MRPL36: variants seen among roughly 807,000 people sequenced by gnomAD.
MRPL36 encodes the protein large ribosomal subunit protein bL36m.
A neutral mutation model predicts 2.8 loss-of-function variants in MRPL36; 1 was observed. That is an observed-to-expected ratio of 0.36 (90% CI 0.13 to 1.69). The LOEUF is 1.69. Among genes scored for constraint, MRPL36 ranks in the 40% most tolerant of loss-of-function variants. MRPL36 has a pLI of 0.35. For missense variants in MRPL36, 148 were observed against 132.7 expected (o/e 1.12, Z -0.57); for synonymous variants, 68 against 54.8 (o/e 1.24, Z -1.06).
rs560726356 is a variant in MRPL36 at position 1,798,617 on chromosome 5, A to C, written c.*7T>G. 1 of 1,596,604 alleles carries C rather than the reference A, an allele frequency of 6.3e-7. No individual in the cohort carries two copies. Among genetic ancestry groups the C allele is most frequent in the Non-Finnish European group, 8.6e-7 (1 of 1,165,762 alleles). ...CGAGTATGTGCGTGACTCTGGAGGG[A>C]AAGGGTCTACATCTGTCTCTGCTTG... On this transcript the variant is annotated 3_prime_UTR_variant, in exon 2 of 2. Transcript: ENST00000505059.
rs781036110 is a variant in MRPL36 at position 1,798,744 on chromosome 5, C to T, written c.192G>A (p.Leu64=). 1.2e-6 allele frequency: 2 copies of T among 1,613,864 alleles called. No individual in the cohort carries two copies. Among genetic ancestry groups the T allele is most frequent in the African/African-American group, 2.7e-5 (2 of 74,906 alleles). The change falls in exon 2 of 2, where the codon CTG becomes CTA. Residue 64 remains leucine, a synonymous_variant. Transcript: ENST00000505059. ...TAAGGACAGTCTTGTTTTTGAACCC[C>T]AGCGCAGGCAGCAGATGGGGCAGGA... is the stretch of plus-strand genomic sequence containing the variant. The part of the protein sequence containing the change: ...PGLLPHLLPA[L]GFKNKTVLKK...
upstream of MRPL36, chr5:1,801,308 C>CGCCCCGA (rs1734030387): frequency 7.2e-7 from 1 of 1,379,542 alleles, no homozygotes; most frequent in Non-Finnish European, 9.5e-7. Flanking sequence ...GACCCGCGCT[C>CGCCCCGA]CCCGCCCCCA....
upstream of MRPL36, chr5:1,801,365 A>G (rs1418553856): frequency 1.9e-6 from 3 of 1,584,120 alleles, no homozygotes; most frequent in Non-Finnish European, 2.6e-6. Context: ...AGCCGTGCGC[A>G]TGCGTTAGCG....
intron 1 of MRPL36, 145 bp from the exon 2 acceptor site, chr5:1,799,092 C>A: frequency 1.6e-6 from 1 of 640,600 alleles, no homozygotes; most frequent in East Asian, 2.8e-5. Flanking sequence ...GCAGCCTCGA[C>A]CTGAGCTTGA....
chr5:1,801,307 T>TCC (rs200692689), upstream of MRPL36: 25 of 1,105,252 alleles, frequency 2.3e-5, no homozygotes, highest in Non-Finnish European at 2.8e-5. Context: ...CGACCCGCGC[T>TCC]CCCCGCCCCC....
upstream of MRPL36, among the ~76,000 whole-genome samples, chr5:1,801,013 C>T (rs946558111): frequency 1.3e-5 from 2 of 152,202 alleles, no homozygotes; most frequent in African/African-American, 4.8e-5. Context: ...CAGTTTACAT[C>T]CTCCCCTGCC....
chr5:1,798,855 GGA>G lies in MRPL36; in HGVS notation c.79_80del (p.Ser27HisfsTer46). ...CTCGAATGGATCCAAATAGAAATGT[GGA>G]GAGGGCTCGAGGCTTCACCGTGTGA... The part of the protein sequence containing the change: ...SRHTVKPRAL[S>X]TFLFGSIRGA... On this transcript the variant is annotated frameshift_variant, in exon 2 of 2. Coordinates refer to ENST00000505059, the MANE Select transcript of MRPL36 (RefSeq NM_032479.4). LOFTEE classifies it low-confidence loss of function (END_TRUNC). 1 of 1,613,780 alleles carries G rather than the reference GGA, an allele frequency of 6.2e-7. No homozygotes were observed. The highest frequency in any genetic ancestry group is 8.5e-7 in the Non-Finnish European group (1 of 1,179,748).
chr5:1,799,994 C>G (rs1375279618), upstream of MRPL36: 1 of 152,126 alleles, frequency 6.6e-6, no homozygotes, highest in African/African-American at 2.4e-5. Flanking sequence ...CTGCGGGCCA[C>G]CGGGATCGTC....
Position 1,798,903 on chromosome 5 carries a change from G to GTGA in MRPL36, c.32_33insTCA (p.Asn11_Pro12insHis). On this transcript the variant is annotated inframe_insertion, in exon 2 of 2. Coordinates refer to ENST00000505059, the MANE Select transcript of MRPL36 (RefSeq NM_032479.4). ...TGTGACGACTGAGATAGAGCAGAGG[G>GTGA]TTCACCATTTTCCTTATAAAAAGAT... 6.2e-7 allele frequency: 1 copy of GTGA among 1,600,722 alleles called. No individual in the cohort carries two copies. The highest frequency in any genetic ancestry group is 1.7e-4 in the Middle Eastern group (1 of 6,026).
chr5:1,799,594 C>T (rs1017719356), intron 1 of MRPL36, 198 bp downstream of exon 1: 3 of 151,248 alleles, frequency 2.0e-5, no homozygotes, highest in African/African-American at 7.2e-5. Context: ...CTCCTGTCGC[C>T]AGGTCGGGCG....
Position 1,798,520 on chromosome 5 carries a change from C to A in MRPL36, c.*104G>T. Reference sequence around the variant, plus strand: ...AACTTTTAGGGCGTTTGCTTCCAGTCACTTTCCCCTGACTCCTTGATGTGA... The same window carrying A: ...AACTTTTAGGGCGTTTGCTTCCAGTAACTTTCCCCTGACTCCTTGATGTGA... On this transcript the variant is annotated 3_prime_UTR_variant, in exon 2 of 2. Transcript: ENST00000505059. 8.5e-7 allele frequency: 1 copy of A among 1,172,678 alleles called. No homozygotes were observed. The highest frequency in any genetic ancestry group is 1.2e-6 in the Non-Finnish European group (1 of 827,802). 72.6% of individuals were successfully genotyped at this position (1,172,678 alleles called of 1,614,324 possible).
Position 1,798,439 on chromosome 5 carries a change from A to T in MRPL36, c.*185T>A. 1 of 578,982 alleles carries T rather than the reference A, an allele frequency of 1.7e-6. No homozygotes were observed. Among genetic ancestry groups the T allele is most frequent in the Non-Finnish European group, 3.0e-6 (1 of 333,866 alleles). The allele number at this position is 578,982 out of a possible 1,614,324, so 35.9% of individuals were successfully genotyped here. ...TGTTTTTTAGTTGGAACGTTTTGGA[A>T]ATAAGATAACGCAATGTCTTCTATA... On this transcript the variant is annotated 3_prime_UTR_variant, in exon 2 of 2. Transcript: ENST00000505059.
chr5:1,798,974 A>G (rs1733937211), intron 1 of MRPL36, 27 bp from the exon 2 acceptor site: 9 of 1,513,482 alleles, frequency 5.9e-6, no homozygotes, highest in South Asian at 2.6e-5. Flanking sequence ...AAAAGGAGTT[A>G]TAGCTTCTCC....
At chr5:1,801,385 A>C, upstream of MRPL36, 1 of 1,601,838 alleles carries the variant, frequency 6.2e-7, no homozygotes, top group Non-Finnish European at 8.5e-7. Context: ...GCTAAGCGGG[A>C]CGTTGCGCCG....
upstream of MRPL36, among the ~76,000 whole-genome samples, chr5:1,800,963 A>G (rs1463104593): frequency 6.6e-6 from 1 of 152,210 alleles, no homozygotes; most frequent in East Asian, 1.9e-4. Context: ...TAAATGTCTC[A>G]TGATTATCGG....
Position 1,798,763 on chromosome 5 carries a change from G to A in MRPL36, c.173C>T (p.Pro58Leu). The stretch of plus-strand genomic sequence containing the variant: ...GAACCCCAGCGCAGGCAGCAGATGG[G>A]GCAGGAGGCCGGGTGAGAGAAGTGA... Reference protein sequence around the residue: ...VRSLLSPGLLPHLLPALGFKN... With the variant: ...VRSLLSPGLLLHLLPALGFKN... The change falls in exon 2 of 2, where the codon CCC (proline) becomes CTC (leucine). Residue 58 changes from proline to leucine, a missense_variant. Physicochemically the swap from Pro to Leu is moderately conservative, Grantham distance 98. Transcript: ENST00000505059. The A allele has an allele frequency of 6.2e-7, 1 of 1,614,052 alleles. No individual in the cohort carries two copies. The highest frequency in any genetic ancestry group is 8.5e-7 in the Non-Finnish European group (1 of 1,179,964).
At chr5:1,799,131 G>A in intron 1 of MRPL36, 184 bp from the exon 2 acceptor site, 1 of 541,744 alleles carries the variant, frequency 1.8e-6, no homozygotes, top group Non-Finnish European at 3.3e-6. Context: ...AAGTGTGCCA[G>A]GAGAATAAGG....
At chr5:1,799,033 G>T in intron 1 of MRPL36, 86 bp from the exon 2 acceptor site, 1 of 1,141,160 alleles carries the variant, frequency 8.8e-7, no homozygotes, top group Non-Finnish European at 1.2e-6. Context: ...TTTCACTGAG[G>T]CTTGGGAAGG....
intron 1 of MRPL36, 59 bp from the exon 2 acceptor site, chr5:1,799,006 A>T (rs1733938711): frequency 7.3e-7 from 1 of 1,363,530 alleles, no homozygotes; most frequent in Admixed American, 2.3e-5. Context: ...CTGCTCTTTA[A>T]GGCTTCCTTT....
Sources: gnomAD v4.1 joint callset for allele counts (sites outside exome capture counted in the v4.1 genomes callset) on GRCh38, gnomAD v4.1.1 for gene constraint, MANE v1.5 for transcripts, NCBI Gene and HGNC (gene_info 2026-07-23, HGNC 2026-07-21) for gene names.